SZT2: variants seen among roughly 807,000 people sequenced by gnomAD.
SZT2 encodes SZT2 subunit of KICSTOR complex.
SZT2 carries 216 observed loss-of-function variants against 404.2 expected under a neutral mutation model. That is an observed-to-expected ratio of 0.53 (90% CI 0.48 to 0.60). SZT2 has a LOEUF of 0.60. Among genes scored for constraint, SZT2 ranks in the 20% least tolerant of loss-of-function variants. SZT2 has a pLI of 0.00. For missense variants in SZT2, 3,857 were observed against 4,459.2 expected (o/e 0.86, Z 3.85); for synonymous variants, 1,693 against 1,749.9 (o/e 0.97, Z 0.81).
intron 1 of SZT2, among the ~76,000 whole-genome samples, chr1:43,397,151 G>A (rs1649091410): frequency 6.6e-6 from 1 of 152,144 alleles, no homozygotes; most frequent in East Asian, 1.9e-4. Context: ...CAATGTATAG[G>A]CCAGGTGTGG....
intron 12 of SZT2, 78 bp downstream of exon 12, chr1:43,422,303 C>T: frequency 1.3e-6 from 2 of 1,508,532 alleles, no homozygotes; most frequent in Non-Finnish European, 1.8e-6. Flanking sequence ...GGAAGGGGAG[C>T]AGCAGATGAG....
At chr1:43,446,809 C>A in intron 65 of SZT2, 146 bp from the exon 66 acceptor site, 1 of 824,910 alleles carries the variant, frequency 1.2e-6, no homozygotes. Context: ...GAGGCCTTCC[C>A]ACAGAAACCA....
rs747109305 is a variant in SZT2 at position 43,431,562 on chromosome 1, T to C, written c.5088+39T>C. ...CCCCAACACTGTAACTGATTCCCTT[T>C]CCATCGTATGAGTGAGATAAGGTAC... On this transcript the variant is annotated intron_variant, in intron 35 of 71. Coordinates refer to ENST00000634258, the MANE Select transcript of SZT2 (RefSeq NM_001365999.1). The C allele has an allele frequency of 1.6e-5, 25 of 1,612,646 alleles. No individual in the cohort carries two copies. In the Admixed American group the frequency reaches 4.0e-4, roughly 26 times the overall value.
chr1:43,444,463 T>C (rs958530930), intron 62 of SZT2, among the ~76,000 whole-genome samples: 3 of 152,118 alleles, frequency 2.0e-5, no homozygotes, highest in African/African-American at 7.2e-5. Flanking sequence ...CCTGTCCTTA[T>C]CATCCCACTG....
chr1:43,426,550 A>C lies in SZT2; in HGVS notation c.3214+12A>C. 2 of 1,552,112 alleles carry C rather than the reference A, an allele frequency of 1.3e-6. No individual in the cohort carries two copies. The highest frequency in any genetic ancestry group is 1.2e-5 in the South Asian group (1 of 85,960). Reference sequence around the variant, plus strand: ...CTGCCACGTTCCAGGTGAGTTCCCCACATCCTCCTGACACCAGACCCTGGC... The same window carrying C: ...CTGCCACGTTCCAGGTGAGTTCCCCCCATCCTCCTGACACCAGACCCTGGC... On this transcript the variant is annotated intron_variant, in intron 22 of 71. Coordinates refer to ENST00000634258, the MANE Select transcript of SZT2 (RefSeq NM_001365999.1). This position sits in a 1 kb window ranked among gnomAD's most constrained non-coding sequence, Gnocchi z 4.9.
Position 43,450,301 on chromosome 1 carries a change from C to T in SZT2, c.10156-36C>T, listed in dbSNP as rs759593646. 11 of 1,613,774 alleles carry T rather than the reference C, an allele frequency of 6.8e-6. No homozygotes were observed. Among genetic ancestry groups the T allele is most frequent in the Non-Finnish European group, 9.3e-6 (11 of 1,179,774 alleles). ...TGCCTCCTATCCCCACCCATGCCCT[C>T]CTCTCACCAGTGCATCCCCACCGTG... On this transcript the variant is annotated intron_variant, in intron 71 of 71. Transcript: ENST00000634258. The surrounding 1 kb of genome is among the most constrained non-coding windows in gnomAD (Gnocchi z 4.3).
intron 4 of SZT2, chr1:43,409,828 A>T (rs1055561514): frequency 6.2e-6 from 1 of 161,728 alleles, no homozygotes; most frequent in Non-Finnish European, 1.4e-5. Flanking sequence ...TAAAATGCCC[A>T]CACTGCCTAA....
In SZT2 at chr1:43,440,487, C is replaced by T. The variant is rs142822908; in HGVS notation, c.7245C>T (p.Ser2415=). 2.8e-4 allele frequency: 450 copies of T among 1,605,170 alleles called. 2 individuals carry two copies. The African/African-American group carries it at 5.4e-3, about 19-fold the overall frequency. ...SLRNGSLETK[S]SAGRASTFPP... Reference sequence around the variant, plus strand: ...GGAACGGATCGTTGGAAACTAAGAGCTCTGCAGGCCGAGCTAGCACCTTTC... The same window carrying T: ...GGAACGGATCGTTGGAAACTAAGAGTTCTGCAGGCCGAGCTAGCACCTTTC... The change falls in exon 52 of 72, where the codon AGC becomes AGT. Residue 2415 remains serine, a synonymous_variant. Transcript: ENST00000634258.
In SZT2 at chr1:43,404,429, C is replaced by T; in HGVS notation, c.377C>T (p.Ser126Phe). Residue 126 changes from serine to phenylalanine, a missense_variant, in exon 4 of 72, where the codon TCC (serine) becomes TTC (phenylalanine). By Grantham distance (155) the Ser-to-Phe change is radical. Coordinates refer to ENST00000634258, the MANE Select transcript of SZT2 (RefSeq NM_001365999.1). ...TTTGATGAAGTTTTCCATGCCCTGT[C>T]CCGCTGCTTAGGCGGGCTGCTTCGG... ...ILFDEVFHAL[S>F]RCLGGLLRPF... 6.2e-7 allele frequency: 1 copy of T among 1,614,072 alleles called. No individual in the cohort carries two copies. Among genetic ancestry groups the T allele is most frequent in the Non-Finnish European group, 8.5e-7 (1 of 1,180,010 alleles).
rs777653128 is a variant in SZT2 at position 43,442,258 on chromosome 1, C to A, written c.7874-10C>A. 5.0e-6 allele frequency: 8 copies of A among 1,611,142 alleles called. No homozygotes were observed. Among genetic ancestry groups the A allele is most frequent in the East Asian group, 4.5e-5 (2 of 44,872 alleles). Reference sequence around the variant, plus strand: ...CCAGGCCCCTATTGTGCCCCTCCCCCACCCTGTAGCTGCCAAAGCCATGCA... The same window carrying A: ...CCAGGCCCCTATTGTGCCCCTCCCCAACCCTGTAGCTGCCAAAGCCATGCA... On this transcript the variant is annotated splice_polypyrimidine_tract_variant and intron_variant, in intron 56 of 71. Coordinates refer to ENST00000634258, the MANE Select transcript of SZT2 (RefSeq NM_001365999.1). The surrounding 1 kb of genome is among the most constrained non-coding windows in gnomAD (Gnocchi z 4.5).
Position 43,420,058 on chromosome 1 carries a change from AC to A in SZT2, c.1091-93del. The A allele has an allele frequency of 6.4e-7, 1 of 1,564,684 alleles. No individual in the cohort carries two copies. Among genetic ancestry groups the A allele is most frequent in the Non-Finnish European group, 8.6e-7 (1 of 1,157,660 alleles). ...TGGGGCTGGCTCTGCTGGCACTGTT[AC>A]CTCACAGTCATTTCAGCATAGCCCC... On this transcript the variant is annotated intron_variant, in intron 8 of 71. Coordinates refer to ENST00000634258, the MANE Select transcript of SZT2 (RefSeq NM_001365999.1). The surrounding 1 kb of genome is among the most constrained non-coding windows in gnomAD (Gnocchi z 5.1).
rs541349087 is a variant in SZT2 at position 43,448,853 on chromosome 1, A to C, written c.10086+125A>C. ...GGAGGCCTAGACAGAACGGGACTAC[A>C]CAGATACATGTAAAACCCTTCCAGT... On this transcript the variant is annotated intron_variant, in intron 70 of 71. Transcript: ENST00000634258. This position sits in a 1 kb window ranked among gnomAD's most constrained non-coding sequence, Gnocchi z 4.2. 334 of 860,540 alleles carry C rather than the reference A, an allele frequency of 3.9e-4. 1 individual carries two copies. Among genetic ancestry groups the C allele is most frequent in the East Asian group, 9.9e-4 (41 of 41,470 alleles). The allele number at this position is 860,540 out of a possible 1,614,324, so 53.3% of individuals were successfully genotyped here.
intron 1 of SZT2, among the ~76,000 whole-genome samples, chr1:43,398,883 C>T (rs1649316104): frequency 6.6e-6 from 1 of 152,102 alleles, no homozygotes; most frequent in African/African-American, 2.4e-5. Flanking sequence ...AGTTCGAGAC[C>T]AGCCTGGCCA....
chr1:43,437,879 T>A lies in SZT2; in HGVS notation c.6485T>A (p.Leu2162Gln), dbSNP rs1157498394. ...CAAGTGGACAGACATATCCAGCTGC[T>A]GGTCCATGGTGTTGGGCAGGCAGGT... ...VGQVDRHIQL[L>Q]VHGVGQAGPE... The change falls in exon 46 of 72, where the codon CTG becomes CAG. Residue 2162 changes from leucine (L) to glutamine (Q), a missense_variant. Transcript: ENST00000634258. The surrounding 1 kb of genome is among the most constrained non-coding windows in gnomAD (Gnocchi z 5.3). 1 of 1,614,138 alleles carries A rather than the reference T, an allele frequency of 6.2e-7. No individual in the cohort carries two copies. Among genetic ancestry groups the A allele is most frequent in the South Asian group, 1.1e-5 (1 of 91,078 alleles).
In SZT2 at chr1:43,442,672, A is replaced by AG. The variant is rs1476193641; in HGVS notation, c.8151+56dup. 5 of 1,542,592 alleles carry AG rather than the reference A, an allele frequency of 3.2e-6. No individual in the cohort carries two copies. In the African/African-American group the frequency reaches 6.8e-5, roughly 21 times the overall value. Reference sequence around the variant, plus strand: ...TTTTGGCTACTGAGGGGTCAGTTAAAGGAAAAACCAGCTCAGAAGCCAGAA... The same window carrying AG: ...TTTTGGCTACTGAGGGGTCAGTTAAAGGGAAAAACCAGCTCAGAAGCCAGAA... On this transcript the variant is annotated intron_variant, in intron 58 of 71. Coordinates refer to ENST00000634258, the MANE Select transcript of SZT2 (RefSeq NM_001365999.1). The surrounding 1 kb of genome is among the most constrained non-coding windows in gnomAD (Gnocchi z 4.5).
In SZT2 at chr1:43,404,527, A is replaced by T. The variant is rs775594426; in HGVS notation, c.475A>T (p.Ile159Phe). 8.1e-6 allele frequency: 13 copies of T among 1,613,434 alleles called. No homozygotes were observed. The East Asian group carries it at 2.7e-4, about 33-fold the overall frequency. ...IYVTIQAYSS[I>F]IGLQSHQVLV... is the part of the protein sequence containing the mutation. ...TGTAACTATCCAGGCCTACTCCTCC[A>T]TCATTGGACTGCAGTCCCACCAGGT... Residue 159 changes from isoleucine to phenylalanine, a missense_variant, in exon 4 of 72, where the codon ATC (isoleucine) becomes TTC (phenylalanine). Physicochemically the swap from Ile to Phe is conservative, Grantham distance 21. Around this residue, in one of 7 missense-constraint regions of SZT2, gnomAD observed 536 missense variants for 637.4 expected, o/e 0.84. Transcript: ENST00000634258.
chr1:43,403,983 G>A (rs1649991476), intron 3 of SZT2: 1 of 597,658 alleles, frequency 1.7e-6, no homozygotes, highest in Non-Finnish European at 2.9e-6. Flanking sequence ...GCCAAGGCGG[G>A]CTGATTACTC....
rs41270371 is a variant in SZT2, at chr1:43,452,126, G to T, written c.*1646G>T. On this transcript the variant is annotated 3_prime_UTR_variant, in exon 72 of 72. Coordinates refer to ENST00000634258, the MANE Select transcript of SZT2 (RefSeq NM_001365999.1). ...CTCTGACCTAGGCTGGCAGCCTCAC[G>T]TGCTGTCCCCACTGTGCACCCCCTT... The T allele has an allele frequency of 2.0e-6, 3 of 1,486,230 alleles. No individual in the cohort carries two copies. Among genetic ancestry groups the T allele is most frequent in the South Asian group, 1.2e-5 (1 of 86,026 alleles). 92.1% of individuals were successfully genotyped at this position (1,486,230 alleles called of 1,614,324 possible).
intron 40 of SZT2, 39 bp downstream of exon 40, chr1:43,433,229 T>C: frequency 6.3e-7 from 1 of 1,597,862 alleles, no homozygotes; most frequent in East Asian, 2.2e-5. Context: ...ATGCTCCCAT[T>C]AACCTCTTCT....
Sources: gnomAD v4.1 joint callset for allele counts (sites outside exome capture counted in the v4.1 genomes callset) on GRCh38, gnomAD v4.1.1 for gene constraint, gnomAD v4.1.1 regional missense constraint, Gnocchi (gnomAD v3.1) non-coding constraint, MANE v1.5 for transcripts, NCBI Gene and HGNC (gene_info 2026-07-23, HGNC 2026-07-21) for gene names.